The following TNC variants were observed in gnomAD, a reference collection of about 807,000 sequenced individuals.
The protein encoded by TNC is tenascin.
A neutral mutation model predicts 202.4 loss-of-function variants in TNC; 109 were observed. That is an observed-to-expected ratio of 0.54 (90% CI 0.46 to 0.63). The LOEUF is 0.63. Ranked by LOEUF, TNC falls within the 30% of genes least tolerant of loss-of-function variation. TNC has a pLI of 0.00. For synonymous variants in TNC, 1,007 were observed against 1,089.7 expected, an observed-to-expected ratio of 0.92 and a Z score of 1.50; for missense variants, 2,756 against 2,833.3, an observed-to-expected ratio of 0.97 and a Z score of 0.62.
chr9:115,071,942 CT>C (rs1721121483), intron 10 of TNC, among the ~76,000 whole-genome samples: 1 of 152,160 alleles, frequency 6.6e-6, no homozygotes, highest in African/African-American at 2.4e-5. Flanking sequence ...TCAGAGCATC[CT>C]TTATAAACAT....
chr9:115,093,276 C>T (rs866325628), intron 1 of TNC, among the ~76,000 whole-genome samples: 1 of 152,152 alleles, frequency 6.6e-6, no homozygotes. Context: ...TGACACTTTA[C>T]CAACTGTCCC....
In TNC at chr9:115,063,024, C is replaced by T. The variant is rs201628545; in HGVS notation, c.3926G>A (p.Arg1309His). 4.5e-5 allele frequency: 72 copies of T among 1,613,962 alleles called. No homozygotes were observed. The Admixed American group carries it at 5.5e-4, about 12-fold the overall frequency. The part of the protein sequence containing the change: ...AHNLTVPGSL[R>H]SMEIPGLRAG... ...CCTGAGGCCTGGGATTTCCATGGAACGCAGGCTGCCAGGAACCGTGAGATT... is the reference window on the plus strand; with the variant it reads ...CCTGAGGCCTGGGATTTCCATGGAATGCAGGCTGCCAGGAACCGTGAGATT... The change falls in exon 13 of 28, where the codon CGT becomes CAT. Residue 1309 changes from arginine (R) to histidine (H), a missense_variant. Transcript: ENST00000350763.
At chr9:115,101,665 T>C (rs1564147729) in intron 1 of TNC, among the ~76,000 whole-genome samples, 1 of 152,240 alleles carries the variant, frequency 6.6e-6, no homozygotes, top group Non-Finnish European at 1.5e-5. Flanking sequence ...TTACTTAGTA[T>C]GGACCTCCCA....
chr9:115,105,619 A>C (rs1836555030), intron 1 of TNC, among the ~76,000 whole-genome samples: 1 of 152,198 alleles, frequency 6.6e-6, no homozygotes, highest in African/African-American at 2.4e-5. Context: ...ATCTACAGGC[A>C]GGACAGGAAA....
chr9:115,035,058 G>T, intron 22 of TNC, 146 bp downstream of exon 22: 1 of 813,100 alleles, frequency 1.2e-6, no homozygotes, highest in Non-Finnish European at 1.8e-6. Flanking sequence ...AGAAGGTCTG[G>T]CATGCCATCC....
At chr9:115,091,415 A>G (rs890242523) in intron 1 of TNC, among the ~76,000 whole-genome samples, 4 of 152,244 alleles carry the variant, frequency 2.6e-5, no homozygotes, top group Non-Finnish European at 4.4e-5. Context: ...TTGAAATAAA[A>G]TAGACATAGG....
At chr9:115,072,035 C>T (rs1224543296) in intron 10 of TNC, among the ~76,000 whole-genome samples, 1 of 152,210 alleles carries the variant, frequency 6.6e-6, no homozygotes, top group Non-Finnish European at 1.5e-5. Context: ...GCAGGGACTG[C>T]TCATTGTCTG....
chr9:115,067,314 T>C (rs1833027302), intron 10 of TNC, among the ~76,000 whole-genome samples: 2 of 151,810 alleles, frequency 1.3e-5, no homozygotes, highest in South Asian at 2.1e-4. Context: ...CCCTATGTCT[T>C]CTTAGCTCTC....
intron 15 of TNC, among the ~76,000 whole-genome samples, chr9:115,052,341 T>A (rs1198020869): frequency 3.3e-5 from 5 of 151,682 alleles, no homozygotes; most frequent in Non-Finnish European, 7.4e-5. Context: ...GGTCAAGGAG[T>A]ACAAAGTTCA....
Position 115,076,400 on chromosome 9 carries a change from G to A in TNC, c.2850C>T (p.Thr950=), listed in dbSNP as rs757737813. 1.9e-6 allele frequency: 3 copies of A among 1,614,108 alleles called. No homozygotes were observed. Among genetic ancestry groups the A allele is most frequent in the African/African-American group, 2.7e-5 (2 of 75,044 alleles). ...VPKSQQATTK[T]TLTGLRPGTE... is the part of the protein sequence containing the mutation. Reference sequence around the variant, plus strand: ...AGATGCAGAGCTCACCTGTGAGTGTGGTTTTGGTTGTGGCTTGTTGGCTCT... The same window carrying A: ...AGATGCAGAGCTCACCTGTGAGTGTAGTTTTGGTTGTGGCTTGTTGGCTCT... The change falls in exon 8 of 28, where the codon ACC becomes ACT. Residue 950 remains threonine, a synonymous_variant. Coordinates refer to ENST00000350763, the MANE Select transcript of TNC (RefSeq NM_002160.4).
Position 115,087,092 on chromosome 9 carries a change from G to A in TNC, c.639C>T (p.Gly213=), listed in dbSNP as rs770598416. 43 of 1,614,214 alleles carry A rather than the reference G, an allele frequency of 2.7e-5. No individual in the cohort carries two copies. The highest frequency in any genetic ancestry group is 3.3e-5 in the Non-Finnish European group (39 of 1,180,040). ...GGCAAGCCAGCTGGCTGCAGTCCTC[G>A]CCCGTGAAGCCGTCGTCACAGATGC... is the stretch of plus-strand genomic sequence containing the variant. ...GQCICDDGFT[G]EDCSQLACPS... Residue 213 remains glycine, a synonymous_variant, in exon 3 of 28, where the codon GGC becomes GGT. Coordinates refer to ENST00000350763, the MANE Select transcript of TNC (RefSeq NM_002160.4).
At chr9:115,075,484 A>G (rs564930841) in intron 9 of TNC, among the ~76,000 whole-genome samples, 1 of 151,898 alleles carries the variant, frequency 6.6e-6, no homozygotes, top group East Asian at 1.9e-4. Flanking sequence ...GCCTGGTTCC[A>G]ATTTTTCTTT....
chr9:115,021,573 G>A (rs377540698), intron 27 of TNC, among the ~76,000 whole-genome samples: 9 of 152,258 alleles, frequency 5.9e-5, no homozygotes, highest in East Asian at 3.9e-4. Flanking sequence ...GAAATCTGCC[G>A]TCCTTAGGAA....
In TNC at chr9:115,077,160, T is replaced by C. The variant is rs548343530; in HGVS notation, c.2675-585A>G. 4.5e-4 allele frequency among the ~76,000 whole-genome samples: 69 copies of C among 152,308 alleles called. 1 individual carries two copies. In the South Asian group the frequency reaches 0.011, roughly 24 times the overall value. On this transcript the variant is annotated intron_variant, in intron 7 of 27. Coordinates refer to ENST00000350763, the MANE Select transcript of TNC (RefSeq NM_002160.4). ...CTGCAAGCTCCACCTCCTGGGTTCATGCCATTCTCCTGCCTCAGCCTGTAG... is the reference window on the plus strand; with the variant it reads ...CTGCAAGCTCCACCTCCTGGGTTCACGCCATTCTCCTGCCTCAGCCTGTAG...
At chr9:115,111,809 GA>G (rs1837094276) in intron 1 of TNC, among the ~76,000 whole-genome samples, 1 of 152,016 alleles carries the variant, frequency 6.6e-6, no homozygotes, top group East Asian at 1.9e-4. Context: ...AGCTTTGAAG[GA>G]ACTGAGGCCC....
intron 17 of TNC, among the ~76,000 whole-genome samples, chr9:115,043,880 T>C (rs554105449): frequency 1.3e-5 from 2 of 152,364 alleles, no homozygotes; most frequent in East Asian, 1.9e-4. Context: ...GTGTATCTTA[T>C]GGCCAAACAC....
In TNC at chr9:115,035,798, GTGGA is replaced by G. The variant is rs1243331714; in HGVS notation, c.5656+296_5656+299del. On this transcript the variant is annotated intron_variant, in intron 21 of 27. Coordinates refer to ENST00000350763, the MANE Select transcript of TNC (RefSeq NM_002160.4). Reference sequence around the variant, plus strand: ...TCAAAAATATTTTCCTGCCTGGAACGTGGATCATTAAATACTAGGTTTAGGGCCA... The same window carrying G: ...TCAAAAATATTTTCCTGCCTGGAACGTCATTAAATACTAGGTTTAGGGCCA... 3.3e-5 allele frequency: 11 copies of G among 329,806 alleles called. No homozygotes were observed. In the Admixed American group the frequency reaches 3.5e-4, roughly 11 times the overall value. 20.4% of individuals were successfully genotyped at this position (329,806 alleles called of 1,614,324 possible).
At chr9:115,073,942 A>C (rs2133062816) in intron 9 of TNC, 76 bp from the exon 10 acceptor site, 1 of 1,479,138 alleles carries the variant, frequency 6.8e-7, no homozygotes, top group Non-Finnish European at 9.1e-7. Context: ...AGTCAACTGC[A>C]TCTGGGCTGG....
At chr9:115,113,772 A>G (rs535186006) in intron 1 of TNC, among the ~76,000 whole-genome samples, 3 of 152,328 alleles carry the variant, frequency 2.0e-5, no homozygotes, top group Middle Eastern at 3.4e-3. Flanking sequence ...TCACAGATAG[A>G]CTAAAAATGC....
Sources: gnomAD v4.1 joint callset for allele counts (sites outside exome capture counted in the v4.1 genomes callset) on GRCh38, gnomAD v4.1.1 for gene constraint, MANE v1.5 for transcripts, NCBI Gene and HGNC (gene_info 2026-07-23, HGNC 2026-07-21) for gene names.